ESR1: variants seen among roughly 807,000 people sequenced by gnomAD.
The protein encoded by ESR1 is estrogen receptor 1.
A neutral mutation model predicts 52.7 loss-of-function variants in ESR1; 12 were observed. The observed-to-expected ratio is 0.23, with a 90% confidence interval of 0.15 to 0.37. The LOEUF (loss-of-function observed/expected upper bound fraction) is 0.37. Ranked by LOEUF, ESR1 falls within the 10% of genes least tolerant of loss-of-function variation. The pLI is 1.00. For missense variants in ESR1, 584 were observed against 779.7 expected, an observed-to-expected ratio of 0.75 and a Z score of 2.99; for synonymous variants, 305 against 316.8, an observed-to-expected ratio of 0.96 and a Z score of 0.39.
chr6:151,931,324 T>G (rs1018208983), intron 3 of ESR1, among the ~76,000 whole-genome samples: 2 of 152,212 alleles, frequency 1.3e-5, no homozygotes, highest in Admixed American at 6.6e-5. Context: ...AAGACATTTT[T>G]CATTTCTGTT....
At chr6:151,736,360 T>A (rs1416417471) in intron 2 of ESR1, among the ~76,000 whole-genome samples, 1 of 146,112 alleles carries the variant, frequency 6.8e-6, no homozygotes, top group Non-Finnish European at 1.5e-5. Flanking sequence ...AAATACTTAC[T>A]GTATTCCAGG....
At position 152,099,056 on chromosome 6, in the gene ESR1, A is replaced by G. The variant is rs1005138519; in HGVS notation, c.*90A>G. ...TTTAGCCAAATTCTGTCTCCTGCATACACTCCGGCATGCATCCAACACCAA... is the reference window on the plus strand; with the variant it reads ...TTTAGCCAAATTCTGTCTCCTGCATGCACTCCGGCATGCATCCAACACCAA... On this transcript the variant is annotated 3_prime_UTR_variant, in exon 8 of 8. Transcript: ENST00000206249. The G allele has an allele frequency of 4.0e-6, 4 of 1,012,166 alleles. No homozygotes were observed. The Admixed American group carries it at 5.9e-5, about 15-fold the overall frequency. 62.7% of individuals were successfully genotyped at this position (1,012,166 alleles called of 1,614,324 possible).
chr6:151,802,992 C>CAAAAA (rs34766229), upstream of ESR1, among the ~76,000 whole-genome samples: 1 of 120,760 alleles, frequency 8.3e-6, no homozygotes, highest in Admixed American at 8.0e-5. Context: ...AACTCTGTCT[C>CAAAAA]AAAAAAAAAA....
intron 4 of ESR1, among the ~76,000 whole-genome samples, chr6:151,969,621 A>C (rs1470103846): frequency 6.6e-6 from 1 of 152,240 alleles, no homozygotes; most frequent in Non-Finnish European, 1.5e-5. Context: ...CCTTGGCAAC[A>C]GTAGGAATAG....
At chr6:151,827,759 G>T (rs1781752393) in intron 1 of ESR1, among the ~76,000 whole-genome samples, 1 of 152,172 alleles carries the variant, frequency 6.6e-6, no homozygotes, top group South Asian at 2.1e-4. Context: ...TTCCTGAGGG[G>T]TTGGATGTGA....
At chr6:152,060,210 A>T (rs2047441261) in intron 5 of ESR1, among the ~76,000 whole-genome samples, 1 of 152,190 alleles carries the variant, frequency 6.6e-6, no homozygotes. Flanking sequence ...AGTTGCAACT[A>T]CTAATGTTAA....
chr6:152,093,624 G>C (rs1196011721), intron 6 of ESR1, among the ~76,000 whole-genome samples: 1 of 152,088 alleles, frequency 6.6e-6, no homozygotes, highest in African/African-American at 2.4e-5. Flanking sequence ...CTATCTGTGG[G>C]GCCCAGACAG....
intron 6 of ESR1, among the ~76,000 whole-genome samples, chr6:152,071,236 T>G (rs2048332436): frequency 8.1e-6 from 1 of 123,202 alleles, no homozygotes; most frequent in Non-Finnish European, 1.6e-5. Context: ...AAGAAAATTA[T>G]TCTTTTTAAA....
chr6:151,990,519 G>A (rs2040908920), intron 4 of ESR1, among the ~76,000 whole-genome samples: 1 of 152,022 alleles, frequency 6.6e-6, no homozygotes, highest in African/African-American at 2.4e-5. Flanking sequence ...GGAAAGTGAA[G>A]GTGGAGGATA....
chr6:151,861,099 G>A (rs1788802329), intron 2 of ESR1, among the ~76,000 whole-genome samples: 1 of 152,032 alleles, frequency 6.6e-6, no homozygotes, highest in Non-Finnish European at 1.5e-5. Context: ...GGAATTAAAG[G>A]TAAACAACTT....
chr6:151,763,792 T>C (rs943501236), intron 2 of ESR1, among the ~76,000 whole-genome samples: 1 of 152,116 alleles, frequency 6.6e-6, no homozygotes, highest in Non-Finnish European at 1.5e-5. Flanking sequence ...AATACAAGAA[T>C]GAACAAGACT....
intron 5 of ESR1, among the ~76,000 whole-genome samples, chr6:152,059,719 T>C (rs2047399172): frequency 6.6e-6 from 1 of 152,204 alleles, no homozygotes; most frequent in African/African-American, 2.4e-5. Flanking sequence ...TCCAAGAATT[T>C]ATTCTATAGC....
intron 5 of ESR1, among the ~76,000 whole-genome samples, chr6:152,012,832 C>T (rs932254831): frequency 1.1e-4 from 17 of 152,192 alleles, no homozygotes; most frequent in African/African-American, 4.1e-4. Flanking sequence ...CTAAGGCTGC[C>T]AGGCTGCCCA....
upstream of ESR1, among the ~76,000 whole-genome samples, chr6:151,799,727 C>T (rs990945177): frequency 2.6e-5 from 4 of 152,146 alleles, no homozygotes; most frequent in Non-Finnish European, 5.9e-5. Flanking sequence ...ATAGGAGTAG[C>T]ACTCAACAGG....
chr6:151,775,522 C>T (rs367665807), intron 2 of ESR1, among the ~76,000 whole-genome samples: 2 of 151,882 alleles, frequency 1.3e-5, no homozygotes, highest in Non-Finnish European at 2.9e-5. Context: ...CCGAAGCGGG[C>T]GGATCACAAG....
chr6:151,844,634 A>G (rs1784822449), intron 2 of ESR1, among the ~76,000 whole-genome samples: 1 of 152,224 alleles, frequency 6.6e-6, no homozygotes, highest in Non-Finnish European at 1.5e-5. Context: ...ATTTATCAGA[A>G]TAGGTAACAG....
intron 4 of ESR1, among the ~76,000 whole-genome samples, chr6:151,949,054 G>A (rs1464741571): frequency 1.3e-5 from 2 of 152,162 alleles, no homozygotes; most frequent in East Asian, 1.9e-4. Context: ...CTCTAAGGCT[G>A]TGACATTTCT....
intron 3 of ESR1, among the ~76,000 whole-genome samples, chr6:151,883,650 T>C (rs1395651643): frequency 6.6e-6 from 1 of 152,172 alleles, no homozygotes. Context: ...ATACAAGTTT[T>C]GTGGGGACAC....
chr6:152,091,479 CA>C (rs2050174197), intron 6 of ESR1, among the ~76,000 whole-genome samples: 1 of 152,164 alleles, frequency 6.6e-6, no homozygotes, highest in South Asian at 2.1e-4. Flanking sequence ...TCTCTGCAGG[CA>C]ATATCTGCTC....
Sources: allele counts gnomAD v4.1 joint callset (sites outside exome capture counted in the v4.1 genomes callset), GRCh38; gene constraint gnomAD v4.1.1; transcripts MANE v1.5; gene names NCBI Gene and HGNC (gene_info 2026-07-23, HGNC 2026-07-21).